Variants in PDGFC observed in about 807,000 individuals in gnomAD.
PDGFC encodes platelet derived growth factor C.
Under a neutral mutation model 35.5 loss-of-function variants are expected in PDGFC, and 12 were observed. The observed-to-expected ratio is 0.34, with a 90% CI of 0.22 to 0.55. The LOEUF is 0.55. Among genes scored for constraint, PDGFC ranks in the 20% least tolerant of loss-of-function variants. PDGFC has a pLI of 0.91. For missense variants in PDGFC, 322 were observed against 412.4 expected (o/e 0.78, Z 1.90); for synonymous variants, 159 against 148.8 (o/e 1.07, Z -0.50).
In PDGFC at chr4:156,971,294, G is replaced by A. The variant is rs947733336; in HGVS notation, c.-391C>T. ...TGTCAGTTCGGGGGACAGGACAGAGGCGAAAACTCAAGGGTTGCCCGCAGC... is the reference window on the plus strand; with the variant it reads ...TGTCAGTTCGGGGGACAGGACAGAGACGAAAACTCAAGGGTTGCCCGCAGC... On this transcript the variant is annotated 5_prime_UTR_variant, in exon 1 of 6. Transcript: ENST00000502773. 2 of 406,886 alleles carry A rather than the reference G, an allele frequency of 4.9e-6. No homozygotes were observed. Among genetic ancestry groups the A allele is most frequent in the Admixed American group, 8.4e-5 (2 of 23,950 alleles). 25.2% of individuals were successfully genotyped at this position (406,886 alleles called of 1,614,324 possible).
At chr4:156,921,791 C>G (rs1368438329) in intron 1 of PDGFC, among the ~76,000 whole-genome samples, 1 of 152,096 alleles carries the variant, frequency 6.6e-6, no homozygotes. Flanking sequence ...ACTGTTTCTA[C>G]TGATGTGCAT....
chr4:156,861,691 G>A (rs1014942844), intron 1 of PDGFC, among the ~76,000 whole-genome samples: 4 of 151,876 alleles, frequency 2.6e-5, no homozygotes, highest in African/African-American at 4.8e-5. Flanking sequence ...TTAAGGGAGC[G>A]GGTCTTGGCT....
intron 2 of PDGFC, among the ~76,000 whole-genome samples, chr4:156,831,890 T>C (rs1284351441): frequency 6.6e-6 from 1 of 152,162 alleles, no homozygotes; most frequent in African/African-American, 2.4e-5. Flanking sequence ...TGCTCACTAT[T>C]CCCACAGTGA....
intron 1 of PDGFC, among the ~76,000 whole-genome samples, chr4:156,857,415 A>G (rs1218599739): frequency 6.6e-6 from 1 of 152,092 alleles, no homozygotes; most frequent in Non-Finnish European, 1.5e-5. Flanking sequence ...TTAATTAAAG[A>G]AGGAGGAAAA....
intron 1 of PDGFC, among the ~76,000 whole-genome samples, chr4:156,879,701 T>A (rs1730196957): frequency 6.6e-6 from 1 of 152,226 alleles, no homozygotes; most frequent in African/African-American, 2.4e-5. Context: ...TTTTACTGTT[T>A]TCATTTCAAA....
At chr4:156,939,745 G>A (rs1731763768) in intron 1 of PDGFC, among the ~76,000 whole-genome samples, 1 of 152,040 alleles carries the variant, frequency 6.6e-6, no homozygotes, top group Non-Finnish European at 1.5e-5. Context: ...TTCTAACTCT[G>A]ATCATTCCTC....
At chr4:156,957,454 A>G (rs1732239791) in intron 1 of PDGFC, among the ~76,000 whole-genome samples, 1 of 151,558 alleles carries the variant, frequency 6.6e-6, no homozygotes, top group Non-Finnish European at 1.5e-5. Context: ...GCTGTATTTT[A>G]TCATCTGGGC....
intron 1 of PDGFC, among the ~76,000 whole-genome samples, chr4:156,964,312 A>G (rs1732412591): frequency 6.6e-6 from 1 of 151,280 alleles, no homozygotes; most frequent in African/African-American, 2.4e-5. Flanking sequence ...GTTCTAACAT[A>G]ATGGTAACCA....
intron 1 of PDGFC, among the ~76,000 whole-genome samples, chr4:156,874,341 T>C (rs1162435723): frequency 6.6e-6 from 1 of 152,206 alleles, no homozygotes; most frequent in African/African-American, 2.4e-5. Flanking sequence ...TCATCAGCTC[T>C]GTAATATTTA....
Position 156,835,299 on chromosome 4 carries a change from G to A in PDGFC, c.314+14922C>T, listed in dbSNP as rs183331654. On this transcript the variant is annotated intron_variant, in intron 2 of 5. Coordinates refer to ENST00000502773, the MANE Select transcript of PDGFC (RefSeq NM_016205.3). ...AAAAGCACAAAATAATAGACGCTGC[G>A]GAGAAAAGGGAACTCCTATTCAATA... Among the ~76,000 whole-genome samples, 47 of 152,162 alleles carry A rather than the reference G, an allele frequency of 3.1e-4. 1 individual carries two copies. Among genetic ancestry groups the A allele is most frequent in the Admixed American group, 8.5e-4 (13 of 15,290 alleles).
At chr4:156,870,907 A>G (rs1729967430) in intron 1 of PDGFC, among the ~76,000 whole-genome samples, 2 of 152,188 alleles carry the variant, frequency 1.3e-5, no homozygotes, top group Non-Finnish European at 2.9e-5. Context: ...AAGTTTCATT[A>G]AAGAAGCTGC....
In PDGFC at chr4:156,971,591, C is replaced by T. The variant is rs1355384670; in HGVS notation, c.-688G>A. On this transcript the variant is annotated 5_prime_UTR_variant, in exon 1 of 6. Transcript: ENST00000502773. ...CCCGGAGCGCAGTTGGCCCCGGGTT[C>T]GGAGCGCCGCAGCACGGATTCCGGC... is the stretch of plus-strand genomic sequence containing the variant. 1.3e-5 allele frequency among the ~76,000 whole-genome samples: 2 copies of T among 151,410 alleles called. No homozygotes were observed. The highest frequency in any genetic ancestry group is 3.0e-5 in the Non-Finnish European group (2 of 67,792).
chr4:156,929,573 G>C (rs531146532), intron 1 of PDGFC, among the ~76,000 whole-genome samples: 3 of 151,814 alleles, frequency 2.0e-5, no homozygotes, highest in Non-Finnish European at 2.9e-5. Context: ...ACAGCCTTCC[G>C]GAATATACCA....
chr4:156,774,671 T>TA (rs397800057), intron 3 of PDGFC, among the ~76,000 whole-genome samples: 1 of 149,502 alleles, frequency 6.7e-6, no homozygotes, highest in Non-Finnish European at 1.5e-5. Flanking sequence ...TTTTTTTTTT[T>TA]AACAAAAGTT....
At chr4:156,922,798 G>A (rs1731317611) in intron 1 of PDGFC, among the ~76,000 whole-genome samples, 1 of 152,046 alleles carries the variant, frequency 6.6e-6, no homozygotes. Context: ...GAGGAGTGCT[G>A]GGAAGTTGGG....
At chr4:156,950,130 G>A (rs894022646) in intron 1 of PDGFC, among the ~76,000 whole-genome samples, 1 of 151,842 alleles carries the variant, frequency 6.6e-6, no homozygotes, top group Non-Finnish European at 1.5e-5. Flanking sequence ...ATTTTGAGCT[G>A]AAGACAAGTA....
chr4:156,956,279 A>G (rs142062078), intron 1 of PDGFC, among the ~76,000 whole-genome samples: 1 of 152,068 alleles, frequency 6.6e-6, no homozygotes, highest in Non-Finnish European at 1.5e-5. Flanking sequence ...ACAGCACAGT[A>G]GCCATGGAGA....
At chr4:156,828,123 T>G (rs1005761829) in intron 2 of PDGFC, among the ~76,000 whole-genome samples, 13 of 152,230 alleles carry the variant, frequency 8.5e-5, no homozygotes, top group Non-Finnish European at 1.8e-4. Context: ...TCTTCCAAAG[T>G]GCTGACGGGT....
chr4:156,834,470 T>G (rs998278229), intron 2 of PDGFC, among the ~76,000 whole-genome samples: 1 of 152,196 alleles, frequency 6.6e-6, no homozygotes, highest in African/African-American at 2.4e-5. Context: ...TGGTTCCATT[T>G]ACACAAATAT....
Sources: allele counts gnomAD v4.1 joint callset (sites outside exome capture counted in the v4.1 genomes callset), GRCh38; gene constraint gnomAD v4.1.1; transcripts MANE v1.5; gene names NCBI Gene and HGNC (gene_info 2026-07-23, HGNC 2026-07-21).